Variants in NEK10 observed in about 807,000 individuals in gnomAD.
NEK10 encodes the protein NIMA related kinase 10.
In NEK10, 122 loss-of-function variants were observed where a neutral mutation model predicts 159.8. The ratio of observed to expected loss-of-function variants is 0.76; its 90% CI spans 0.66 to 0.89. The LOEUF (loss-of-function observed/expected upper bound fraction) is 0.89. Ranked by LOEUF, NEK10 falls within the 40% of genes least tolerant of loss-of-function variation. NEK10 has a pLI of 0.00. For missense variants in NEK10, 1,342 were observed against 1,323.1 expected (o/e 1.01, Z -0.22); for synonymous variants, 466 against 457.1 (o/e 1.02, Z -0.25).
intron 32 of NEK10, among the ~76,000 whole-genome samples, chr3:27,129,048 G>A (rs957411521): frequency 6.6e-6 from 1 of 152,016 alleles, no homozygotes; most frequent in African/African-American, 2.4e-5. Flanking sequence ...ATGAATCTCT[G>A]CTATCTTGCT....
intron 19 of NEK10, 128 bp downstream of exon 19, chr3:27,290,489 T>C (rs2042920784): frequency 1.5e-6 from 1 of 653,996 alleles, no homozygotes. Context: ...AAAATATCAC[T>C]GCTTCAGTGT....
intron 30 of NEK10, among the ~76,000 whole-genome samples, chr3:27,155,269 C>A (rs887877971): frequency 6.6e-6 from 1 of 151,976 alleles, no homozygotes; most frequent in Admixed American, 6.6e-5. Flanking sequence ...TTTGGGAGGC[C>A]AAGGTGGGCA....
At chr3:27,282,816 T>C (rs2042305785) in intron 22 of NEK10, among the ~76,000 whole-genome samples, 2 of 150,632 alleles carry the variant, frequency 1.3e-5, no homozygotes, top group African/African-American at 2.4e-5. Context: ...AACTTATAAA[T>C]TGACATTCCA....
chr3:27,331,249 AAC>A (rs575348029), intron 5 of NEK10, among the ~76,000 whole-genome samples: 4,583 of 66,920 alleles, frequency 0.068, 381 homozygotes, highest in East Asian at 0.16. Context: ...AAAAAAAAAA[AAC>A]AAAAAAAAAA....
chr3:27,279,912 G>A (rs1479494246), intron 22 of NEK10, among the ~76,000 whole-genome samples: 1 of 152,094 alleles, frequency 6.6e-6, no homozygotes, highest in South Asian at 2.1e-4. Flanking sequence ...GCTCACGCCT[G>A]TAATCCCAGC....
At chr3:27,168,628 C>T (rs185660264) in intron 29 of NEK10, among the ~76,000 whole-genome samples, 13 of 152,254 alleles carry the variant, frequency 8.5e-5, no homozygotes, top group Middle Eastern at 3.4e-3. Context: ...CTTCTGAAGT[C>T]GGCCCTTGTC....
intron 6 of NEK10, among the ~76,000 whole-genome samples, chr3:27,315,893 T>C (rs915031497): frequency 6.6e-6 from 1 of 152,048 alleles, no homozygotes; most frequent in Non-Finnish European, 1.5e-5. Flanking sequence ...ACTGGAAGGA[T>C]GGATGGATTT....
intron 1 of NEK10, among the ~76,000 whole-genome samples, chr3:27,362,669 A>C (rs1454735088): frequency 6.6e-6 from 1 of 151,758 alleles, no homozygotes; most frequent in Non-Finnish European, 1.5e-5. Flanking sequence ...ATCCTGTCTC[A>C]AATAGTCCCA....
chr3:27,319,085 G>A (rs9824961), intron 6 of NEK10, among the ~76,000 whole-genome samples: 8,784 of 152,182 alleles, frequency 0.058, 512 homozygotes, highest in African/African-American at 0.15. Context: ...GTTGGGGAAT[G>A]TAAGGGCTGA....
rs149877022 is a variant in NEK10 at position 27,156,561 on chromosome 3, T to G, written c.2869+6140A>C. On this transcript the variant is annotated intron_variant, in intron 30 of 35. Coordinates refer to ENST00000691995, the MANE Select transcript of NEK10 (RefSeq NM_001394966.1). ...CGAACATACGAAAAAATGTTCAGCA[T>G]CACTAATGAGCAGGGAAATGCAAAT... is the stretch of plus-strand genomic sequence containing the variant. Among the ~76,000 whole-genome samples the G allele has an allele frequency of 8.0e-3, 1,211 of 152,112 alleles. 10 individuals are homozygous for G. The highest frequency in any genetic ancestry group is 0.013 in the Non-Finnish European group (883 of 67,988).
chr3:27,123,398 AC>A, intron 32 of NEK10, among the ~76,000 whole-genome samples: 1 of 152,282 alleles, frequency 6.6e-6, no homozygotes, highest in East Asian at 1.9e-4. Flanking sequence ...GGTAGGGGGA[AC>A]TTGGAGGTAA....
intron 22 of NEK10, among the ~76,000 whole-genome samples, chr3:27,276,162 C>T (rs1209650845): frequency 2.6e-5 from 4 of 151,932 alleles, no homozygotes; most frequent in Non-Finnish European, 5.9e-5. Flanking sequence ...TTCTTCTATT[C>T]ATTTGGTGAA....
Position 27,352,927 on chromosome 3 carries a change from A to AG in NEK10, c.-37-9_-37-8insC. The AG allele has an allele frequency of 2.7e-6, 4 of 1,460,650 alleles. No individual in the cohort carries two copies. The highest frequency in any genetic ancestry group is 3.8e-6 in the Non-Finnish European group (4 of 1,046,198). The allele number at this position is 1,460,650 out of a possible 1,614,324, so 90.5% of individuals were successfully genotyped here. ...AGAATTAACATCGCATTCCTTTAAA[A>AG]TTAAACCAGAGGGAAAATTTTAGTT... On this transcript the variant is annotated splice_polypyrimidine_tract_variant and intron_variant, in intron 1 of 35. Transcript: ENST00000691995.
chr3:27,306,790 A>G (rs1305121535), intron 11 of NEK10, among the ~76,000 whole-genome samples: 1 of 152,202 alleles, frequency 6.6e-6, no homozygotes, highest in Non-Finnish European at 1.5e-5. Flanking sequence ...AGTTAGCTAC[A>G]TTTTAAATTT....
chr3:27,124,108 C>T (rs1004236976), intron 32 of NEK10, among the ~76,000 whole-genome samples: 4 of 152,018 alleles, frequency 2.6e-5, no homozygotes, highest in African/African-American at 9.7e-5. Context: ...TTGGGAACAT[C>T]AGGGTGAATG....
intron 19 of NEK10, among the ~76,000 whole-genome samples, chr3:27,289,992 A>G (rs1194085080): frequency 6.6e-6 from 1 of 152,240 alleles, no homozygotes; most frequent in Admixed American, 6.5e-5. Context: ...ATAAATGAAC[A>G]GTATTCGTGA....
At chr3:27,316,495 TG>T (rs918604528) in intron 6 of NEK10, among the ~76,000 whole-genome samples, 4 of 151,552 alleles carry the variant, frequency 2.6e-5, no homozygotes, top group African/African-American at 9.7e-5. Context: ...CAGGCCCAGG[TG>T]AAAAAAATAC....
In NEK10 at chr3:27,301,765, G is replaced by A. The variant is rs754491718; in HGVS notation, c.1099C>T (p.Gln367Ter). 3.2e-6 allele frequency: 5 copies of A among 1,567,542 alleles called. No homozygotes were observed. Among genetic ancestry groups the A allele is most frequent in the Non-Finnish European group, 4.3e-6 (5 of 1,154,526 alleles). The change falls in exon 13 of 36, where the codon CAG becomes TAG. Residue 367 changes from glutamine (Q) to a stop codon, truncating the protein, a stop_gained. Transcript: ENST00000691995. LOFTEE classifies it high-confidence loss of function. Reference sequence around the variant, plus strand: ...AAGTCTTCTGATAAATGAAGCTGCTGGATTCGGCCTGCAGCATTTGCACTG... The same window carrying A: ...AAGTCTTCTGATAAATGAAGCTGCTAGATTCGGCCTGCAGCATTTGCACTG... ...LSSANAAGRI[Q>*]QLHLSEDLSP... is the part of the protein sequence containing the mutation.
At chr3:27,266,258 A>AG (rs965394595) in intron 22 of NEK10, among the ~76,000 whole-genome samples, 1 of 152,212 alleles carries the variant, frequency 6.6e-6, no homozygotes, top group African/African-American at 2.4e-5. Flanking sequence ...ATATTTGCCT[A>AG]GCCCAATACT....
Sources: allele counts gnomAD v4.1 joint callset (sites outside exome capture counted in the v4.1 genomes callset), GRCh38; gene constraint gnomAD v4.1.1; transcripts MANE v1.5; gene names NCBI Gene and HGNC (gene_info 2026-07-23, HGNC 2026-07-21).